The following FAT3 variants were observed in gnomAD, a reference collection of about 807,000 sequenced individuals.
FAT3 encodes protocadherin Fat 3.
A neutral mutation model predicts 310.2 loss-of-function variants in FAT3; 95 were observed. That is an observed-to-expected ratio of 0.31 (90% CI 0.26 to 0.36). FAT3 has a LOEUF of 0.36. Among genes scored for constraint, FAT3 ranks in the 10% least tolerant of loss-of-function variants. FAT3 has a pLI of 1.00. For missense variants in FAT3, 5,408 were observed against 5,715.6 expected (o/e 0.95, Z 1.74); for synonymous variants, 2,314 against 2,192.9 (o/e 1.06, Z -1.54).
intron 2 of FAT3, among the ~76,000 whole-genome samples, chr11:92,394,200 G>T (rs1282962321): frequency 5.9e-5 from 9 of 152,164 alleles, no homozygotes. Flanking sequence ...GTCTGGCAGC[G>T]GCTCACACCT....
intron 2 of FAT3, among the ~76,000 whole-genome samples, chr11:92,522,219 G>C (rs1157048563): frequency 6.6e-6 from 1 of 152,104 alleles, no homozygotes; most frequent in South Asian, 2.1e-4. Flanking sequence ...TCACTTGTCT[G>C]TTCTATGACT....
chr11:92,754,435 C>T (rs1417480319), intron 4 of FAT3, among the ~76,000 whole-genome samples: 1 of 151,422 alleles, frequency 6.6e-6, no homozygotes, highest in African/African-American at 2.4e-5. Context: ...ACCATCCTGG[C>T]TAACACAGTG....
chr11:92,737,989 G>A (rs140743258), intron 4 of FAT3, among the ~76,000 whole-genome samples: 2 of 152,250 alleles, frequency 1.3e-5, no homozygotes, highest in African/African-American at 4.8e-5. Flanking sequence ...GGGCATCAGA[G>A]TGGTAGGGAG....
rs1179098077 is a variant in FAT3, at chr11:92,368,869, T to TAC, written c.3292+13471_3292+13472dup. Among the ~76,000 whole-genome samples the TAC allele has an allele frequency of 6.4e-3, 904 of 141,654 alleles. 22 individuals are homozygous for TAC. The highest frequency in any genetic ancestry group is 0.025 in the African/African-American group (857 of 34,560). 92.9% of individuals were successfully genotyped at this position (141,654 alleles called of 152,430 possible). A position where few individuals can be genotyped will look rare whatever the true frequency, so the allele number is the denominator to read the frequency against. Reference sequence around the variant, plus strand: ...ATATACACACATACACATATATATATACACACATATACACATATATATACA... The same window carrying TAC: ...ATATACACACATACACATATATATATACACACACATATACACATATATATACA... On this transcript the variant is annotated intron_variant, in intron 2 of 27. Coordinates refer to ENST00000525166, the MANE Select transcript of FAT3 (RefSeq NM_001367949.2).
At chr11:92,260,200 G>A (rs528446690) in intron 1 of FAT3, among the ~76,000 whole-genome samples, 2 of 152,040 alleles carry the variant, frequency 1.3e-5, no homozygotes, top group Non-Finnish European at 2.9e-5. Context: ...TTTGTTTCCT[G>A]TTAGAAATAT....
At chr11:92,649,335 T>A (rs988165813) in intron 3 of FAT3, among the ~76,000 whole-genome samples, 7 of 152,162 alleles carry the variant, frequency 4.6e-5, no homozygotes. Context: ...GTCTTAGGGT[T>A]TTATGATTTA....
intron 7 of FAT3, 48 bp downstream of exon 7, chr11:92,774,228 AAGTC>A (rs774937180): frequency 5.2e-6 from 8 of 1,543,796 alleles, no homozygotes; most frequent in Non-Finnish European, 7.0e-6. Flanking sequence ...AGAGCTGCCA[AAGTC>A]AGGGGTGCAA....
Position 92,355,252 on chromosome 11 carries a change from CTGT to C in FAT3, c.3146_3148del (p.Val1049del). ...CACACTCCCTATTTCCCAGACTTTG[CTGT>C]TGTTGGATCTGTAAAGGAAAACTCA... is the stretch of plus-strand genomic sequence containing the variant. On this transcript the variant is annotated inframe_deletion, in exon 2 of 28. Coordinates refer to ENST00000525166, the MANE Select transcript of FAT3 (RefSeq NM_001367949.2). The C allele has an allele frequency of 6.2e-7, 1 of 1,613,788 alleles. No individual in the cohort carries two copies. The highest frequency in any genetic ancestry group is 8.5e-7 in the Non-Finnish European group (1 of 1,179,864).
intron 1 of FAT3, among the ~76,000 whole-genome samples, chr11:92,342,875 C>T (rs1948304546): frequency 6.6e-6 from 1 of 152,144 alleles, no homozygotes; most frequent in African/African-American, 2.4e-5. Flanking sequence ...ATTATATCCT[C>T]TCCTTACTTT....
intron 3 of FAT3, among the ~76,000 whole-genome samples, chr11:92,637,418 T>G (rs1027027143): frequency 1.3e-5 from 2 of 152,184 alleles, no homozygotes; most frequent in African/African-American, 4.8e-5. Context: ...GCACCATTTG[T>G]TTCAGTAACA....
chr11:92,818,090 A>G (rs138430066), intron 13 of FAT3, among the ~76,000 whole-genome samples: 37 of 152,304 alleles, frequency 2.4e-4, no homozygotes, highest in African/African-American at 8.7e-4. Context: ...CTGCAGCCCT[A>G]GACACTCCAC....
At chr11:92,298,016 T>G (rs944671088) in intron 1 of FAT3, among the ~76,000 whole-genome samples, 5 of 152,080 alleles carry the variant, frequency 3.3e-5, no homozygotes, top group Admixed American at 6.6e-5. Context: ...ATAAGCTTGT[T>G]TCTGTGAGCA....
chr11:92,802,129 G>A (rs1461127757), intron 10 of FAT3, among the ~76,000 whole-genome samples: 2 of 152,160 alleles, frequency 1.3e-5, no homozygotes, highest in Non-Finnish European at 2.9e-5. Flanking sequence ...TGCTGTAAAT[G>A]TGTTAACCAT....
In FAT3 at chr11:92,460,527, G is replaced by T. The variant is rs556427686; in HGVS notation, c.3293-64107G>T. Among the ~76,000 whole-genome samples the T allele has an allele frequency of 1.8e-4, 28 of 152,250 alleles. 1 individual carries two copies. Among genetic ancestry groups the T allele is most frequent in the African/African-American group, 6.0e-4 (25 of 41,552 alleles). On this transcript the variant is annotated intron_variant, in intron 2 of 27. Coordinates refer to ENST00000525166, the MANE Select transcript of FAT3 (RefSeq NM_001367949.2). ...GTTTGGATTTCACTTTTCTAACAGT[G>T]GTATTTTAACAGGCAAGAGAGCATT...
At position 92,697,457 on chromosome 11, in the gene FAT3, G is replaced by A. The variant is rs2135907353; in HGVS notation, c.3669+12G>A. 6.2e-7 allele frequency: 1 copy of A among 1,613,594 alleles called. No homozygotes were observed. The highest frequency in any genetic ancestry group is 8.5e-7 in the Non-Finnish European group (1 of 1,179,608). On this transcript the variant is annotated intron_variant, in intron 4 of 27. Coordinates refer to ENST00000525166, the MANE Select transcript of FAT3 (RefSeq NM_001367949.2). Reference sequence around the variant, plus strand: ...AACATTTTCTGGAGGTAAGCGCATAGAGGGAACTGAAATTCATTAAAACTG... The same window carrying A: ...AACATTTTCTGGAGGTAAGCGCATAAAGGGAACTGAAATTCATTAAAACTG...
intron 2 of FAT3, among the ~76,000 whole-genome samples, chr11:92,429,115 C>G (rs1379836412): frequency 1.3e-5 from 2 of 152,148 alleles, no homozygotes; most frequent in Admixed American, 6.5e-5. Context: ...CTGCATTGAT[C>G]CCTTTACCAT....
At chr11:92,878,671 C>T (rs1335813817) in intron 22 of FAT3, among the ~76,000 whole-genome samples, 1 of 54,398 alleles carries the variant, frequency 1.8e-5, no homozygotes, top group Non-Finnish European at 3.9e-5. Context: ...AAAAAAAGCT[C>T]CGCACAAAAA....
At chr11:92,439,637 C>A (rs1267673800) in intron 2 of FAT3, among the ~76,000 whole-genome samples, 1 of 152,076 alleles carries the variant, frequency 6.6e-6, no homozygotes, top group Non-Finnish European at 1.5e-5. Context: ...TGCTAAAGGC[C>A]AGGCATGGTG....
chr11:92,271,790 A>C (rs1200329652), intron 1 of FAT3, among the ~76,000 whole-genome samples: 1 of 152,158 alleles, frequency 6.6e-6, no homozygotes, highest in Non-Finnish European at 1.5e-5. Flanking sequence ...TCATCTGAAG[A>C]AGCTATGCTG....
Sources: gnomAD v4.1 joint callset for allele counts (sites outside exome capture counted in the v4.1 genomes callset) on GRCh38, gnomAD v4.1.1 for gene constraint, MANE v1.5 for transcripts, NCBI Gene and HGNC (gene_info 2026-07-23, HGNC 2026-07-21) for gene names.